Variants in CIT observed in about 807,000 individuals in gnomAD.
CIT encodes the protein citron rho-interacting serine/threonine kinase.
Under a neutral mutation model 272.7 loss-of-function variants are expected in CIT, and 79 were observed. The observed-to-expected ratio is 0.29, with a 90% CI of 0.24 to 0.35. The LOEUF (loss-of-function observed/expected upper bound fraction) is 0.35, where lower values mean the gene tolerates loss of function less well. CIT is among the 10% of genes least tolerant of loss of function. CIT has a pLI of 1.00. For missense variants in CIT, 1,909 were observed against 2,618.3 expected (o/e 0.73, Z 5.91); for synonymous variants, 948 against 995.6 (o/e 0.95, Z 0.90).
chr12:119,727,437 CT>C (rs1958173070), intron 28 of CIT, among the ~76,000 whole-genome samples: 1 of 152,070 alleles, frequency 6.6e-6, no homozygotes, highest in South Asian at 2.1e-4. Context: ...ATAATAGACA[CT>C]GTGGATTCAG....
rs768598585 is a variant in CIT, at chr12:119,718,869, T to C, written c.3841-8A>G. 5.6e-6 allele frequency: 9 copies of C among 1,613,514 alleles called. No individual in the cohort carries two copies. The South Asian group carries it at 9.9e-5, about 18-fold the overall frequency. ...CCGTCGACTAAATAAACCCTAGCAATGGAAACAGAGATATCTCCTAACTCC... is the reference window on the plus strand; with the variant it reads ...CCGTCGACTAAATAAACCCTAGCAACGGAAACAGAGATATCTCCTAACTCC... On this transcript the variant is annotated splice_polypyrimidine_tract_variant and splice_region_variant and intron_variant, in intron 30 of 47. Coordinates refer to ENST00000392521, the MANE Select transcript of CIT (RefSeq NM_001206999.2). This position sits in a 1 kb window ranked among gnomAD's most constrained non-coding sequence, Gnocchi z 4.8.
intron 23 of CIT, among the ~76,000 whole-genome samples, chr12:119,745,792 C>T (rs1959299970): frequency 6.9e-6 from 1 of 145,500 alleles, no homozygotes; most frequent in Non-Finnish European, 1.5e-5. Context: ...ATATGTACGA[C>T]TGTGATATAC....
chr12:119,751,088 T>A (rs1362347991), intron 23 of CIT, among the ~76,000 whole-genome samples: 1 of 152,150 alleles, frequency 6.6e-6, no homozygotes, highest in African/African-American at 2.4e-5. Context: ...TATGATACTA[T>A]GAGAAATGTA....
At chr12:119,826,935 TCTTCCAGC>T (rs1015532371) in intron 7 of CIT, among the ~76,000 whole-genome samples, 1 of 152,188 alleles carries the variant, frequency 6.6e-6, no homozygotes, top group African/African-American at 2.4e-5. Context: ...TGGATGAAGC[TCTTCCAGC>T]CTGTAACTTG....
In CIT at chr12:119,712,642, A is replaced by C; in HGVS notation, c.4633T>G (p.Ser1545Ala). Reference protein sequence around the residue: ...FELCLPDGDVSIHGAVGASEL... With the variant: ...FELCLPDGDVAIHGAVGASEL... ...GAAGCACCAACGGCACCATGAATAGATACATCCCCGTCGGGAAGGCACAGC... is the reference window on the plus strand; with the variant it reads ...GAAGCACCAACGGCACCATGAATAGCTACATCCCCGTCGGGAAGGCACAGC... Residue 1545 changes from serine to alanine, a missense_variant, in exon 36 of 48, where the codon TCT becomes GCT. Ser to Ala is a moderately conservative substitution (Grantham distance 99, BLOSUM62 1). Coordinates refer to ENST00000392521, the MANE Select transcript of CIT (RefSeq NM_001206999.2). This position sits in a 1 kb window ranked among gnomAD's most constrained non-coding sequence, Gnocchi z 5.2. 1.2e-6 allele frequency: 2 copies of C among 1,614,172 alleles called. No individual in the cohort carries two copies. The highest frequency in any genetic ancestry group is 1.7e-6 in the Non-Finnish European group (2 of 1,180,028).
Position 119,857,589 on chromosome 12 carries a change from C to G in CIT, c.348G>C (p.Glu116Asp). The change falls in exon 4 of 48, where the codon GAG (glutamate) becomes GAC (aspartate). Residue 116 changes from glutamate to aspartate, a missense_variant. By Grantham distance (45) the Glu-to-Asp change is conservative. Transcript: ENST00000392521. ...GHFAEVQVVR[E>D]KATGDIYAMK... is the part of the protein sequence containing the mutation. ...TAGCATAGATGTCCCCGGTTGCTTT[C>G]TCTCTTACCACCTGCACTTCAGCAA... The G allele has an allele frequency of 6.2e-7, 1 of 1,614,184 alleles. No homozygotes were observed. Among genetic ancestry groups the G allele is most frequent in the Non-Finnish European group, 8.5e-7 (1 of 1,180,034 alleles).
chr12:119,731,611 A>G (rs1265331226), intron 26 of CIT, among the ~76,000 whole-genome samples: 1 of 151,672 alleles, frequency 6.6e-6, no homozygotes, highest in East Asian at 1.9e-4. Context: ...TTTAGGTATC[A>G]TGCTTCCTAC....
Position 119,690,681 on chromosome 12 carries a change from A to C in CIT, c.5883-227T>G, listed in dbSNP as rs755886398. Among the ~76,000 whole-genome samples the C allele has an allele frequency of 6.6e-6, 1 of 152,216 alleles. No homozygotes were observed. Among genetic ancestry groups the C allele is most frequent in the African/African-American group, 2.4e-5 (1 of 41,468 alleles). On this transcript the variant is annotated intron_variant, in intron 46 of 47. Transcript: ENST00000392521. The surrounding 1 kb of genome is among the most constrained non-coding windows in gnomAD (Gnocchi z 6.0). ...CCCACCTTCCTCAGTGCAGGCTTTC[A>C]TTTACTGAGCACCTACTGTGTGCCA...
chr12:119,750,267 C>T (rs1298748711), intron 23 of CIT, among the ~76,000 whole-genome samples: 1 of 152,240 alleles, frequency 6.6e-6, no homozygotes, highest in Non-Finnish European at 1.5e-5. Flanking sequence ...CAACTCCCAA[C>T]TCCAGCAAGT....
chr12:119,853,393 T>A (rs901243773), intron 4 of CIT, among the ~76,000 whole-genome samples: 1 of 152,096 alleles, frequency 6.6e-6, no homozygotes, highest in African/African-American at 2.4e-5. Flanking sequence ...ATTGTTTAGG[T>A]TATTGTTAGA....
At chr12:119,859,422 T>G (rs986070043) in intron 3 of CIT, among the ~76,000 whole-genome samples, 3 of 152,136 alleles carry the variant, frequency 2.0e-5, no homozygotes, top group Non-Finnish European at 4.4e-5. Flanking sequence ...TGAGACAGAC[T>G]CGGTCCATCA....
chr12:119,816,261 T>C (rs1476200124), intron 9 of CIT, among the ~76,000 whole-genome samples: 1 of 152,174 alleles, frequency 6.6e-6, no homozygotes. Flanking sequence ...GAAATATCTT[T>C]TTGCTATCAG....
Position 119,710,338 on chromosome 12 carries a change from T to G in CIT, c.4984A>C (p.Lys1662Gln). 6.2e-7 allele frequency: 1 copy of G among 1,614,208 alleles called. No individual in the cohort carries two copies. The highest frequency in any genetic ancestry group is 8.5e-7 in the Non-Finnish European group (1 of 1,180,038). The change falls in exon 39 of 48, where the codon AAA (lysine) becomes CAA (glutamine). Residue 1662 changes from lysine to glutamine, a missense_variant. Around this residue, in one of 8 missense-constraint regions of CIT, gnomAD observed 780 missense variants for 1,067.2 expected, o/e 0.73. Coordinates refer to ENST00000392521, the MANE Select transcript of CIT (RefSeq NM_001206999.2). This position sits in a 1 kb window ranked among gnomAD's most constrained non-coding sequence, Gnocchi z 5.6. The stretch of plus-strand genomic sequence containing the variant: ...CCTGGGACATGGGTTAGGGAGTTTT[T>G]CAAGACATTCAGGGCGTAGAGCCCT... Reference protein sequence around the residue: ...EEGLYALNVLKNSLTHVPGIG... With the variant: ...EEGLYALNVLQNSLTHVPGIG...
intron 37 of CIT, among the ~76,000 whole-genome samples, chr12:119,711,738 C>T (rs1957170756): frequency 1.3e-5 from 2 of 152,194 alleles, no homozygotes; most frequent in Admixed American, 1.3e-4. Flanking sequence ...TCACTGCAGC[C>T]TCAAACTCCT....
intron 23 of CIT, among the ~76,000 whole-genome samples, chr12:119,746,960 A>C (rs1268416677): frequency 2.0e-5 from 3 of 152,238 alleles, no homozygotes; most frequent in Admixed American, 6.5e-5. Context: ...ATATACATAA[A>C]GACAGCAAAA....
intron 9 of CIT, among the ~76,000 whole-genome samples, chr12:119,814,639 T>C (rs1412676497): frequency 1.3e-5 from 2 of 152,184 alleles, no homozygotes; most frequent in East Asian, 1.9e-4. Flanking sequence ...ATGATCCTCA[T>C]GGAACTAGCT....
chr12:119,776,217 G>C, intron 15 of CIT, 141 bp downstream of exon 15: 1 of 722,146 alleles, frequency 1.4e-6, no homozygotes. Flanking sequence ...ACCCAAAGGT[G>C]GACTATCAAA....
chr12:119,774,838 G>C (rs542501433), intron 16 of CIT, among the ~76,000 whole-genome samples: 2 of 152,082 alleles, frequency 1.3e-5, no homozygotes, highest in African/African-American at 4.8e-5. Flanking sequence ...GCTGGGTGTA[G>C]TGGTGCACAC....
chr12:119,697,876 G>C lies in CIT; in HGVS notation c.5703-38C>G, dbSNP rs767880962. The C allele has an allele frequency of 1.9e-6, 3 of 1,613,328 alleles. No homozygotes were observed. The highest frequency in any genetic ancestry group is 2.5e-6 in the Non-Finnish European group (3 of 1,179,372). ...AGAGTTCCAGTTACCTTCATTGCAG[G>C]CTACCTCCATTGCTAGGCAAGTTAG... On this transcript the variant is annotated intron_variant, in intron 45 of 47. Coordinates refer to ENST00000392521, the MANE Select transcript of CIT (RefSeq NM_001206999.2). This position sits in a 1 kb window ranked among gnomAD's most constrained non-coding sequence, Gnocchi z 4.9.
Sources: allele counts gnomAD v4.1 joint callset (sites outside exome capture counted in the v4.1 genomes callset), GRCh38; gene constraint gnomAD v4.1.1; regional missense constraint gnomAD v4.1.1; non-coding constraint Gnocchi (gnomAD v3.1); transcripts MANE v1.5; gene names NCBI Gene and HGNC (gene_info 2026-07-23, HGNC 2026-07-21).